Variants in REDIC1 observed in about 807,000 individuals in gnomAD.
REDIC1 encodes regulator of DNA class I crossover intermediates 1.
At chr12:39,694,996 G>A in the REDIC1 span, among the ~76,000 whole-genome samples, 566 of 152,192 alleles carry the variant, frequency 3.7e-3, 2 homozygotes, top group Non-Finnish European at 6.9e-3. Context: ...GACACTCCTT[G>A]GGTGAGAAGG....
At chr12:39,628,024 T>G in the REDIC1 span, among the ~76,000 whole-genome samples, 1 of 152,136 alleles carries the variant, frequency 6.6e-6, no homozygotes, top group Non-Finnish European at 1.5e-5. Flanking sequence ...GTATAACTGG[T>G]CCTAGGCAGT....
At chr12:39,667,453 C>A in the REDIC1 span, among the ~76,000 whole-genome samples, 126 of 152,246 alleles carry the variant, frequency 8.3e-4, no homozygotes, top group Admixed American at 3.5e-3. Context: ...AATTTCTGTT[C>A]TTTTACATTT....
At chr12:39,887,604 A>C in the REDIC1 span, among the ~76,000 whole-genome samples, 2 of 152,220 alleles carry the variant, frequency 1.3e-5, no homozygotes, top group African/African-American at 2.4e-5. Flanking sequence ...TTTTTTAAGC[A>C]CCAGAGGGTA....
chr12:39,837,851 G>A, the REDIC1 span, among the ~76,000 whole-genome samples: 2 of 151,748 alleles, frequency 1.3e-5, no homozygotes, highest in East Asian at 1.9e-4. Flanking sequence ...ACAGGTGCTG[G>A]AGAGGATGTG....
the REDIC1 span, among the ~76,000 whole-genome samples, chr12:39,805,170 A>G: frequency 1.3e-5 from 2 of 149,796 alleles, no homozygotes; most frequent in East Asian, 4.0e-4. Context: ...TGTGTGTTGG[A>G]CGTGGCCAGA....
the REDIC1 span, among the ~76,000 whole-genome samples, chr12:39,765,315 A>G: frequency 7.2e-5 from 11 of 152,022 alleles, no homozygotes; most frequent in Non-Finnish European, 1.2e-4. Flanking sequence ...GGGGTGGATG[A>G]GGGAAACAAA....
the REDIC1 span, among the ~76,000 whole-genome samples, chr12:39,701,201 G>T: frequency 6.6e-6 from 1 of 152,090 alleles, no homozygotes; most frequent in Non-Finnish European, 1.5e-5. Context: ...CATACCACGT[G>T]CGGAGACACA....
At chr12:39,697,569 A>G in the REDIC1 span, among the ~76,000 whole-genome samples, 1 of 152,230 alleles carries the variant, frequency 6.6e-6, no homozygotes, top group Admixed American at 6.5e-5. Flanking sequence ...GCCATAGAGT[A>G]TAAAAGATAT....
the REDIC1 span, among the ~76,000 whole-genome samples, chr12:39,804,223 TATC>T: frequency 4.6e-5 from 7 of 151,722 alleles, no homozygotes; most frequent in South Asian, 4.2e-4. Flanking sequence ...AACAGGAAAA[TATC>T]AACAAAAAGA....
the REDIC1 span, chr12:39,764,929 T>C: frequency 1.3e-6 from 2 of 1,513,984 alleles, no homozygotes; most frequent in Non-Finnish European, 1.8e-6. Context: ...AATATGATCA[T>C]ATTTATGTAT....
At chr12:39,854,504 C>A in the REDIC1 span, among the ~76,000 whole-genome samples, 1 of 152,172 alleles carries the variant, frequency 6.6e-6, no homozygotes, top group Non-Finnish European at 1.5e-5. Context: ...TTGCCTTTAA[C>A]ATTTATTTGT....
At chr12:39,630,378 A>G in the REDIC1 span, among the ~76,000 whole-genome samples, 1 of 152,180 alleles carries the variant, frequency 6.6e-6, no homozygotes, top group East Asian at 1.9e-4. Context: ...GAATCAATCA[A>G]TGTCATAAGA....
At chr12:39,771,585 G>T in the REDIC1 span, among the ~76,000 whole-genome samples, 1,292 of 152,230 alleles carry the variant, frequency 8.5e-3, 19 homozygotes, top group African/African-American at 0.03. Flanking sequence ...GTAGGCTTGT[G>T]AGGCCCTAAG....
the REDIC1 span, chr12:39,835,736 A>G: frequency 7.9e-5 from 12 of 152,250 alleles, no homozygotes; most frequent in African/African-American, 2.9e-4. Context: ...TCACCAATAT[A>G]TATTTATTGA....
chr12:39,706,288 A>G, the REDIC1 span, among the ~76,000 whole-genome samples: 280 of 152,128 alleles, frequency 1.8e-3, no homozygotes, highest in African/African-American at 6.0e-3. Flanking sequence ...ACTATAAAAC[A>G]CTAATGAAAG....
chr12:39,766,801 C>T, the REDIC1 span, among the ~76,000 whole-genome samples: 2 of 152,080 alleles, frequency 1.3e-5, no homozygotes, highest in Non-Finnish European at 2.9e-5. Flanking sequence ...TAAGAAACAA[C>T]TCCTTATCCG....
the REDIC1 span, chr12:39,721,237 C>T: frequency 6.2e-7 from 1 of 1,612,192 alleles, no homozygotes. Context: ...GCAGGAAATC[C>T]ATAAGAACAA....
At chr12:39,747,990 C>A in the REDIC1 span, among the ~76,000 whole-genome samples, 6 of 152,194 alleles carry the variant, frequency 3.9e-5, no homozygotes, top group African/African-American at 1.2e-4. Context: ...ATTGTAAAGA[C>A]CATTGAGGCT....
the REDIC1 span, among the ~76,000 whole-genome samples, chr12:39,693,947 C>A: frequency 2.6e-5 from 4 of 152,180 alleles, no homozygotes; most frequent in Non-Finnish European, 4.4e-5. Context: ...TATTCCACAG[C>A]CTCACCAACA....
Sources: gnomAD v4.1 joint callset for allele counts (sites outside exome capture counted in the v4.1 genomes callset) on GRCh38, gnomAD v4.1.1 for gene constraint, MANE v1.5 for transcripts, NCBI Gene and HGNC (gene_info 2026-07-23, HGNC 2026-07-21) for gene names.